The following ABCA2 variants were observed in gnomAD, a reference collection of about 807,000 sequenced individuals.
ABCA2 encodes ATP-binding cassette sub-family A member 2.
Under a neutral mutation model 262.8 loss-of-function variants are expected in ABCA2, and 84 were observed. The ratio of observed to expected loss-of-function variants is 0.32; its 90% CI spans 0.27 to 0.38. The LOEUF is 0.38. ABCA2 is among the 10% of genes least tolerant of loss of function. The pLI, the probability that ABCA2 is intolerant of heterozygous loss-of-function variation, is 1.00. For missense variants in ABCA2, 2,662 were observed against 3,405.9 expected, an observed-to-expected ratio of 0.78 and a Z score of 5.44; for synonymous variants, 1,696 against 1,502.9, an observed-to-expected ratio of 1.13 and a Z score of -2.97.
Position 137,009,819 on chromosome 9 carries a change from T to C in ABCA2, c.6580A>G (p.Lys2194Glu), listed in dbSNP as rs1359858967. The C allele has an allele frequency of 1.2e-6, 2 of 1,612,512 alleles. No individual in the cohort carries two copies. Among genetic ancestry groups the C allele is most frequent in the Admixed American group, 3.3e-5 (2 of 59,974 alleles). ...AGTYSGGNKR[K>E]LSTAIALIGY... ...ATGAGGGCGATGGCCGTGGAGAGCT[T>C]CCGCTTGTTGCCGCCGCTGTAGGTG... is the stretch of plus-strand genomic sequence containing the variant. Residue 2194 changes from lysine (K) to glutamate (E), a missense_variant, in exon 43 of 49, where the codon AAG becomes GAG. By Grantham distance (56) the Lys-to-Glu change is moderately conservative. Coordinates refer to ENST00000341511, the MANE Select transcript of ABCA2 (RefSeq NM_001606.5).
At position 137,017,669 on chromosome 9, in the gene ABCA2, G is replaced by A. The variant is rs938023005; in HGVS notation, c.2235C>T (p.Asn745=). Residue 745 remains asparagine (N), a synonymous_variant, in exon 17 of 49, where the codon AAC becomes AAT. Coordinates refer to ENST00000341511, the MANE Select transcript of ABCA2 (RefSeq NM_001606.5). ...LKEVMKTMGL[N]NAVHWVAWFI... is the part of the protein sequence containing the mutation. ...ACCAGGCCACCCAGTGCACCGCGTT[G>A]TTCAGGCCCATGGTCTTCATCACCT... The A allele has an allele frequency of 2.4e-5, 38 of 1,611,244 alleles. No individual in the cohort carries two copies. Among genetic ancestry groups the A allele is most frequent in the Non-Finnish European group, 3.1e-5 (36 of 1,178,774 alleles).
At position 137,009,798 on chromosome 9, in the gene ABCA2, G is replaced by A. The variant is rs963950784; in HGVS notation, c.6601C>T (p.Leu2201Phe). 1.9e-6 allele frequency: 3 copies of A among 1,612,302 alleles called. No individual in the cohort carries two copies. The highest frequency in any genetic ancestry group is 2.5e-6 in the Non-Finnish European group (3 of 1,179,636). Residue 2201 changes from leucine to phenylalanine, a missense_variant, in exon 43 of 49, where the codon CTC (leucine) becomes TTC (phenylalanine). Physicochemically the swap from Leu to Phe is conservative, Grantham distance 22. Transcript: ENST00000341511. Reference sequence around the variant, plus strand: ...AAGATGAAGGCTGGGTACCCAATGAGGGCGATGGCCGTGGAGAGCTTCCGC... The same window carrying A: ...AAGATGAAGGCTGGGTACCCAATGAAGGCGATGGCCGTGGAGAGCTTCCGC... ...NKRKLSTAIA[L>F]IGYPAFIFLD...
rs4880187 is a variant in ABCA2 at position 137,008,345 on chromosome 9, C to G, written c.7275+71G>C. 1,461,478 of 1,525,942 alleles carry G rather than the reference C, an allele frequency of 0.96. 700,624 individuals are homozygous for G. The highest frequency in any genetic ancestry group is 1 in the East Asian group (40,813 of 40,818). The allele number at this position is 1,525,942 out of a possible 1,614,324, so 94.5% of individuals were successfully genotyped here. On this transcript the variant is annotated intron_variant, in intron 48 of 48. Transcript: ENST00000341511. ...GCCAGTTCTCCCCCGACCCCACCCG[C>G]GGCTGGAGCCACCAGGCAGCCTGGG... is the stretch of plus-strand genomic sequence containing the variant.
intron 6 of ABCA2, 118 bp downstream of exon 6, chr9:137,022,233 C>A: frequency 3.8e-6 from 5 of 1,328,900 alleles, no homozygotes; most frequent in Non-Finnish European, 3.9e-6. Context: ...ATGGTGGGGG[C>A]AAGGTTCAGA....
At chr9:137,008,899 C>CG in intron 46 of ABCA2, 31 bp from the exon 47 acceptor site, 1 of 1,522,190 alleles carries the variant, frequency 6.6e-7, no homozygotes, top group South Asian at 1.2e-5. Context: ...GGCCTGGCAG[C>CG]GCCCCCCCAC....
rs374468509 is a variant in ABCA2 at position 137,008,467 on chromosome 9, G to A, written c.7224C>T (p.Pro2408=). Residue 2408 remains proline, a synonymous_variant, in exon 48 of 49, where the codon CCC becomes CCT. Transcript: ENST00000341511. ...TELRALVADE[P]EDLDTEDEGL... ...CCTCGTCCTCCGTGTCCAGGTCCTC[G>A]GGCTCGTCTGCCACAAGTGCCCGGA... 249 of 1,562,908 alleles carry A rather than the reference G, an allele frequency of 1.6e-4. No homozygotes were observed. Among genetic ancestry groups the A allele is most frequent in the Non-Finnish European group, 2.0e-4 (230 of 1,154,420 alleles).
chr9:137,013,397 C>T, intron 29 of ABCA2, 64 bp downstream of exon 29: 1 of 1,543,096 alleles, frequency 6.5e-7, no homozygotes, highest in Non-Finnish European at 8.7e-7. Flanking sequence ...GCCTGGCCCA[C>T]CAAGGCTGTC....
chr9:137,017,170 G>A (rs1831288629), intron 18 of ABCA2, 26 bp downstream of exon 18: 1 of 1,611,714 alleles, frequency 6.2e-7, no homozygotes, highest in Admixed American at 1.7e-5. Flanking sequence ...CGGCACCCCA[G>A]CCGCCCGCCT....
In ABCA2 at chr9:137,014,179, A is replaced by T. The variant is rs201489381; in HGVS notation, c.4229T>A (p.Val1410Asp). ...LFDNPQDPDN[V>D]SLQEVEAEAL... is the part of the protein sequence containing the mutation. Reference sequence around the variant, plus strand: ...CCTGCCACCCCCACCTTGCAGGCTGACATTGTCTGGGTCCTGTGGGTTATC... The same window carrying T: ...CCTGCCACCCCCACCTTGCAGGCTGTCATTGTCTGGGTCCTGTGGGTTATC... The change falls in exon 27 of 49, where the codon GTC (valine) becomes GAC (aspartate). Residue 1410 changes from valine (V) to aspartate (D), a missense_variant. Physicochemically the swap from Val to Asp is radical, Grantham distance 152. Coordinates refer to ENST00000341511, the MANE Select transcript of ABCA2 (RefSeq NM_001606.5). 5 of 1,607,862 alleles carry T rather than the reference A, an allele frequency of 3.1e-6. No homozygotes were observed. In the East Asian group the frequency reaches 1.1e-4, roughly 36 times the overall value.
rs371157955 is a variant in ABCA2 at position 137,013,496 on chromosome 9, G to A, written c.4515C>T (p.Phe1505=). The change falls in exon 29 of 49, where the codon TTC becomes TTT. Residue 1505 remains phenylalanine, a synonymous_variant. Coordinates refer to ENST00000341511, the MANE Select transcript of ABCA2 (RefSeq NM_001606.5). ...GGCGCTCCTCGTTGGCGTAGGGGATGAAATTGCCACGGGGCTGGGTGTAGT... is the reference window on the plus strand; with the variant it reads ...GGCGCTCCTCGTTGGCGTAGGGGATAAAATTGCCACGGGGCTGGGTGTAGT... ...YHNYTQPRGN[F]IPYANEERRE... is the part of the protein sequence containing the mutation. The A allele has an allele frequency of 3.1e-6, 5 of 1,609,956 alleles. No homozygotes were observed. In the African/African-American group the frequency reaches 6.7e-5, roughly 21 times the overall value.
chr9:137,017,941 C>A, intron 15 of ABCA2, 32 bp downstream of exon 15: 2 of 1,612,170 alleles, frequency 1.2e-6, no homozygotes, highest in Non-Finnish European at 1.7e-6. Flanking sequence ...CAGCCCCAGC[C>A]CCAGCCCCAG....
chr9:137,009,924 T>C, intron 42 of ABCA2, 21 bp from the exon 43 acceptor site: 1 of 1,601,564 alleles, frequency 6.2e-7, no homozygotes, highest in Non-Finnish European at 8.5e-7. Flanking sequence ...AACGCAGGTG[T>C]CAGTGGAGGC....
At chr9:137,010,593 G>GCCCCACCCAGT in intron 40 of ABCA2, 27 bp downstream of exon 40, 1 of 845,038 alleles carries the variant, frequency 1.2e-6, no homozygotes, top group South Asian at 1.3e-5. Flanking sequence ...CCCCACCCAG[G>GCCCCACCCAGT]CCCCACCCTA....
chr9:137,009,853 C>G lies in ABCA2; in HGVS notation c.6546G>C (p.Lys2182Asn). 6.2e-7 allele frequency: 1 copy of G among 1,612,444 alleles called. No individual in the cohort carries two copies. The highest frequency in any genetic ancestry group is 8.5e-7 in the Non-Finnish European group (1 of 1,179,750). ...TGCCGCCGCTGTAGGTGCCAGCCGGCTTGTCTGCGTACTTGGTCAGCTCCA... is the reference window on the plus strand; with the variant it reads ...TGCCGCCGCTGTAGGTGCCAGCCGGGTTGTCTGCGTACTTGGTCAGCTCCA... ...EKLELTKYAD[K>N]PAGTYSGGNK... The change falls in exon 43 of 49, where the codon AAG (lysine) becomes AAC (asparagine). Residue 2182 changes from lysine to asparagine, a missense_variant. Coordinates refer to ENST00000341511, the MANE Select transcript of ABCA2 (RefSeq NM_001606.5).
intron 1 of ABCA2, among the ~76,000 whole-genome samples, chr9:137,025,181 C>G (rs917121404): frequency 2.6e-5 from 4 of 152,254 alleles, no homozygotes; most frequent in Non-Finnish European, 4.4e-5. Context: ...GGCTGGGCAC[C>G]AAGGTGAGCC....
rs773314009 is a variant in ABCA2 at position 137,012,021 on chromosome 9, G to A, written c.5361-3C>T. On this transcript the variant is annotated splice_region_variant and splice_polypyrimidine_tract_variant and intron_variant, in intron 34 of 48. Coordinates refer to ENST00000341511, the MANE Select transcript of ABCA2 (RefSeq NM_001606.5). Reference sequence around the variant, plus strand: ...TGACGACATCCGTGCCCTGCAGCCTGGGGCAAGGAAGCCCTCAGTCCTCAC... The same window carrying A: ...TGACGACATCCGTGCCCTGCAGCCTAGGGCAAGGAAGCCCTCAGTCCTCAC... 6.2e-7 allele frequency: 1 copy of A among 1,612,140 alleles called. No homozygotes were observed. Among genetic ancestry groups the A allele is most frequent in the Non-Finnish European group, 8.5e-7 (1 of 1,179,638 alleles).
chr9:137,020,189 ACC>A, intron 10 of ABCA2, 145 bp downstream of exon 10: 1 of 1,050,030 alleles, frequency 9.5e-7, no homozygotes, highest in Non-Finnish European at 1.4e-6. Flanking sequence ...CTGGTCCCCC[ACC>A]TGCAGAGCCT....
chr9:137,020,859 GC>G lies in ABCA2; in HGVS notation c.1099del (p.Ala367ArgfsTer68). On this transcript the variant is annotated frameshift_variant, in exon 9 of 49. Transcript: ENST00000341511. LOFTEE classifies it high-confidence loss of function. ...TGCCCCTGCCCCAGTGCCATTGGCC[GC>G]CCCACCCGCACCACTGGCTGGGGGT... Reference protein sequence around the residue: ...PGPPASGAGGAANGTGAGAVM... With the variant: ...PGPPASGAGGXANGTGAGAVM... 1 of 1,542,336 alleles carries G rather than the reference GC, an allele frequency of 6.5e-7. No homozygotes were observed. Among genetic ancestry groups the G allele is most frequent in the Non-Finnish European group, 8.8e-7 (1 of 1,141,810 alleles).
At position 137,008,505 on chromosome 9, in the gene ABCA2, C is replaced by A. The variant is rs773777586; in HGVS notation, c.7186G>T (p.Ala2396Ser). Residue 2396 changes from alanine (A) to serine (S), a missense_variant, in exon 48 of 49, where the codon GCC becomes TCC. Coordinates refer to ENST00000341511, the MANE Select transcript of ABCA2 (RefSeq NM_001606.5). The part of the protein sequence containing the change: ...CLLSLLRPRS[A>S]PTELRALVAD... Reference sequence around the variant, plus strand: ...ACAAGTGCCCGGAGCTCCGTGGGGGCAGACCGGGGCCGGAGCAGGCTGAGC... The same window carrying A: ...ACAAGTGCCCGGAGCTCCGTGGGGGAAGACCGGGGCCGGAGCAGGCTGAGC... 4.4e-6 allele frequency: 7 copies of A among 1,582,870 alleles called. No homozygotes were observed. Among genetic ancestry groups the A allele is most frequent in the Non-Finnish European group, 6.0e-6 (7 of 1,165,066 alleles).
Sources: allele counts gnomAD v4.1 joint callset (sites outside exome capture counted in the v4.1 genomes callset), GRCh38; gene constraint gnomAD v4.1.1; transcripts MANE v1.5; gene names NCBI Gene and HGNC (gene_info 2026-07-23, HGNC 2026-07-21).